MPDZ: variants seen among roughly 807,000 people sequenced by gnomAD.
MPDZ encodes multiple PDZ domain crumbs cell polarity complex component, also known as multiple PDZ domain protein.
MPDZ carries 234 observed loss-of-function variants against 239.1 expected under a neutral mutation model. The ratio of observed to expected loss-of-function variants is 0.98; its 90% CI spans 0.88 to 1.09. The LOEUF (loss-of-function observed/expected upper bound fraction) is 1.09, where lower values mean the gene tolerates loss of function less well. Ranked by LOEUF, MPDZ falls within the 50% of genes least tolerant of loss-of-function variation. The pLI, the probability that MPDZ is intolerant of heterozygous loss-of-function variation, is 0.00. For missense variants in MPDZ, 3,175 were observed against 2,510.0 expected (o/e 1.26, Z -5.66); for synonymous variants, 1,048 against 881.3 (o/e 1.19, Z -3.35).
chr9:13,125,242 C>A lies in MPDZ; in HGVS notation c.4781G>T (p.Gly1594Val), dbSNP rs767530465. The change falls in exon 35 of 47, where the codon GGC becomes GTC. Residue 1594 changes from glycine (G) to valine (V), a missense_variant. Transcript: ENST00000319217. ...TCGGATGGACTCCGGTTCTGGGGAG[C>A]CAGACTGTGGGACCATCAGAGACTG... ...SSQSLMVPQSGSPEPESIRNT... is the reference protein window; with the variant it reads ...SSQSLMVPQSVSPEPESIRNT... 3.1e-6 allele frequency: 5 copies of A among 1,606,452 alleles called. No individual in the cohort carries two copies. Among genetic ancestry groups the A allele is most frequent in the Non-Finnish European group, 4.3e-6 (5 of 1,174,896 alleles).
Position 13,114,173 on chromosome 9 carries a change from AT to A in MPDZ, c.5467-153del, listed in dbSNP as rs202197283. Among the ~76,000 whole-genome samples the A allele has an allele frequency of 9.9e-4, 151 of 152,082 alleles. 2 individuals carry two copies. The East Asian group carries it at 0.028, about 28-fold the overall frequency. ...AGCAATTTAAACACAGTTCCTACTG[AT>A]TTTTTTTCTTTTAAACAGAGAATGT... On this transcript the variant is annotated intron_variant, in intron 40 of 46. Transcript: ENST00000319217.
chr9:13,171,783 A>G (rs1300183077), intron 21 of MPDZ, among the ~76,000 whole-genome samples: 2 of 152,196 alleles, frequency 1.3e-5, no homozygotes, highest in Admixed American at 1.3e-4. Context: ...TCATTTATTA[A>G]TAACTTCTTC....
At chr9:13,175,979 T>C in intron 20 of MPDZ, 104 bp from the exon 21 acceptor site, 4 of 1,450,652 alleles carry the variant, frequency 2.8e-6, no homozygotes, top group Admixed American at 2.6e-5. Context: ...GTGCTTTATT[T>C]TGCAAGAACC....
intron 31 of MPDZ, 109 bp downstream of exon 31, chr9:13,135,983 C>G (rs927168632): frequency 9.5e-6 from 7 of 733,566 alleles, no homozygotes; most frequent in African/African-American, 3.6e-5. Flanking sequence ...AAGGCTATAA[C>G]TTATCTACCT....
chr9:13,209,502 C>G (rs1351495226), intron 10 of MPDZ, among the ~76,000 whole-genome samples: 1 of 152,158 alleles, frequency 6.6e-6, no homozygotes, highest in South Asian at 2.1e-4. Context: ...ACCATACAAT[C>G]TGCAGCAGAA....
At chr9:13,274,667 T>G (rs1370017059) in intron 1 of MPDZ, 1 of 151,912 alleles carries the variant, frequency 6.6e-6, no homozygotes, top group African/African-American at 2.4e-5. Flanking sequence ...TTCCCTTTTA[T>G]TAATCATATT....
chr9:13,235,018 C>T (rs1255710553), intron 3 of MPDZ, among the ~76,000 whole-genome samples: 2 of 152,034 alleles, frequency 1.3e-5, no homozygotes, highest in African/African-American at 4.8e-5. Context: ...ATTTTTTATA[C>T]ATGATAGGAC....
chr9:13,160,833 TATA>T, intron 23 of MPDZ, among the ~76,000 whole-genome samples: 1 of 75,910 alleles, frequency 1.3e-5, no homozygotes. Context: ...ATTAAAATTA[TATA>T]TATATATATA....
At chr9:13,172,905 G>T (rs913069595) in intron 21 of MPDZ, among the ~76,000 whole-genome samples, 2 of 152,100 alleles carry the variant, frequency 1.3e-5, no homozygotes, top group African/African-American at 4.8e-5. Flanking sequence ...ATCAGTAGAT[G>T]AATAAATAAA....
At chr9:13,207,502 C>T (rs1186643542) in intron 10 of MPDZ, among the ~76,000 whole-genome samples, 1 of 152,180 alleles carries the variant, frequency 6.6e-6, no homozygotes, top group Non-Finnish European at 1.5e-5. Flanking sequence ...TTACCTCAGC[C>T]TGGACTCTCT....
chr9:13,111,676 C>T (rs749308171), intron 43 of MPDZ, among the ~76,000 whole-genome samples: 3 of 152,222 alleles, frequency 2.0e-5, no homozygotes, highest in East Asian at 3.9e-4. Context: ...AGAGTTAAAT[C>T]GGCGTTTAAA....
chr9:13,119,755 A>G, intron 38 of MPDZ, 106 bp from the exon 39 acceptor site: 1 of 1,351,966 alleles, frequency 7.4e-7, no homozygotes, highest in South Asian at 1.2e-5. Flanking sequence ...TGTTTTTATG[A>G]CTTTAAAAGT....
Position 13,168,360 on chromosome 9 carries a change from A to G in MPDZ, c.3254+6T>C, listed in dbSNP as rs758216586. On this transcript the variant is annotated splice_donor_region_variant and intron_variant, in intron 22 of 46. Coordinates refer to ENST00000319217, the MANE Select transcript of MPDZ (RefSeq NM_001378778.1). ...CAAGTTAAACTGGGCTTCAAATGAT[A>G]CTTACTTTATGTCAGGGCCAATGAG... 14 of 1,609,586 alleles carry G rather than the reference A, an allele frequency of 8.7e-6. No homozygotes were observed. Among genetic ancestry groups the G allele is most frequent in the Middle Eastern group, 1.6e-4 (1 of 6,068 alleles).
rs779048168 is a variant in MPDZ at position 13,109,953 on chromosome 9, C to T, written c.5941G>A (p.Gly1981Arg). 1.2e-6 allele frequency: 2 copies of T among 1,610,798 alleles called. No homozygotes were observed. The highest frequency in any genetic ancestry group is 1.7e-6 in the Non-Finnish European group (2 of 1,178,494). ...ACTAATCATCATGTATGAACTCACC[C>T]TAAATCATCCTGAAATATACTGCTT... is the stretch of plus-strand genomic sequence containing the variant. Reference protein sequence around the residue: ...TSSSIFQDDLGPPQCKSITLE... With the variant: ...TSSSIFQDDLRPPQCKSITLE... The change falls in exon 45 of 47, where the codon GGA becomes AGA. Residue 1981 changes from glycine (G) to arginine (R), a missense_variant and splice_region_variant. Transcript: ENST00000319217.
intron 35 of MPDZ, 84 bp from the exon 36 acceptor site, chr9:13,123,382 AGGGATGG>A: frequency 8.2e-7 from 1 of 1,213,350 alleles, no homozygotes; most frequent in Non-Finnish European, 1.2e-6. Context: ...ATTGACTCTG[AGGGATGG>A]GGCAGAGAAA....
chr9:13,246,047 C>T (rs1331697196), intron 3 of MPDZ, among the ~76,000 whole-genome samples: 2 of 8,558 alleles, frequency 2.3e-4, no homozygotes, highest in African/African-American at 1.9e-4. Context: ...ATCTGTTCAA[C>T]TTCTTTACAC....
At chr9:13,177,161 T>C (rs1952608016) in intron 19 of MPDZ, among the ~76,000 whole-genome samples, 1 of 152,138 alleles carries the variant, frequency 6.6e-6, no homozygotes, top group African/African-American at 2.4e-5. Context: ...AACAGATATA[T>C]TGTATCACTT....
At chr9:13,136,950 A>T (rs780830434) in intron 29 of MPDZ, 147 bp from the exon 30 acceptor site, 28 of 454,092 alleles carry the variant, frequency 6.2e-5, no homozygotes, top group Non-Finnish European at 9.9e-5. Flanking sequence ...CCAAAACATG[A>T]AACTGACTTT....
intron 22 of MPDZ, chr9:13,165,505 A>G: frequency 6.9e-7 from 1 of 1,439,000 alleles, no homozygotes; most frequent in East Asian, 2.5e-5. Flanking sequence ...TATGTAGTTA[A>G]AAGTGGGTGC....
Sources: gnomAD v4.1 joint callset for allele counts (sites outside exome capture counted in the v4.1 genomes callset) on GRCh38, gnomAD v4.1.1 for gene constraint, MANE v1.5 for transcripts, NCBI Gene and HGNC (gene_info 2026-07-23, HGNC 2026-07-21) for gene names.